The following FAM47E variants were observed in gnomAD, a reference collection of about 807,000 sequenced individuals.
FAM47E encodes family with sequence similarity 47 member E, also known as protein FAM47E.
Under a neutral mutation model 41.6 loss-of-function variants are expected in FAM47E, and 32 were observed. That is an observed-to-expected ratio of 0.77 (90% CI 0.58 to 1.03). The LOEUF is 1.03. FAM47E is among the 50% of genes least tolerant of loss of function. FAM47E has a pLI of 0.00. For missense variants in FAM47E, 424 were observed against 485.4 expected (o/e 0.87, Z 1.19); for synonymous variants, 184 against 188.7 (o/e 0.98, Z 0.20).
intron 2 of FAM47E, among the ~76,000 whole-genome samples, chr4:76,259,941 T>C (rs1453584146): frequency 2.6e-5 from 4 of 152,104 alleles, no homozygotes; most frequent in Admixed American, 1.3e-4. Flanking sequence ...GACAACCAAA[T>C]CAAGAACTCA....
At chr4:76,256,143 A>G in intron 1 of FAM47E, 35 bp from the exon 2 acceptor site, 2 of 1,534,362 alleles carry the variant, frequency 1.3e-6, no homozygotes, top group Non-Finnish European at 1.8e-6. Context: ...GGCATGTGGT[A>G]TTCTAGGTAC....
intron 2 of FAM47E, among the ~76,000 whole-genome samples, chr4:76,220,622 CTT>C (rs1733290834): frequency 6.6e-6 from 1 of 152,176 alleles, no homozygotes; most frequent in Non-Finnish European, 1.5e-5. Context: ...GATCCTGTCT[CTT>C]AAAGAAAGAA....
chr4:76,257,417 C>T (rs138764931), intron 2 of FAM47E, among the ~76,000 whole-genome samples: 30 of 152,222 alleles, frequency 2.0e-4, no homozygotes, highest in Admixed American at 8.5e-4. Context: ...ACACAGAGAG[C>T]GAGACAATGG....
At position 76,270,499 on chromosome 4, in the gene FAM47E, A is replaced by G. The variant is rs532759025; in HGVS notation, c.670-1069A>G. ...CAGAGACTCCTCAGAGGGTGATTGAAGCGGGGATGCTGGATGAAGCAGACG... is the reference window on the plus strand; with the variant it reads ...CAGAGACTCCTCAGAGGGTGATTGAGGCGGGGATGCTGGATGAAGCAGACG... On this transcript the variant is annotated intron_variant, in intron 4 of 7. Transcript: ENST00000424749. 6.6e-5 allele frequency among the ~76,000 whole-genome samples: 10 copies of G among 152,312 alleles called. No homozygotes were observed. In the South Asian group the frequency reaches 1.9e-3, roughly 28 times the overall value.
chr4:76,277,960 A>C, intron 5 of FAM47E, 109 bp from the exon 6 acceptor site: 1 of 1,304,134 alleles, frequency 7.7e-7, no homozygotes, highest in South Asian at 2.4e-5. Flanking sequence ...GCAAGGACCA[A>C]CCTAAATTCC....
upstream of FAM47E, among the ~76,000 whole-genome samples, chr4:76,250,263 A>G (rs765623407): frequency 6.6e-6 from 1 of 152,154 alleles, no homozygotes; most frequent in African/African-American, 2.4e-5. Context: ...TTGCTGGAGT[A>G]AGGTGGTATT....
rs564611720 is a variant in FAM47E at position 76,253,542 on chromosome 4, G to A, written c.74+1722G>A. ...TCCTGAACCTAACATAATGCAGAAT[G>A]GTAAGCTTATTAACTATGAGAGGCC... On this transcript the variant is annotated intron_variant, in intron 1 of 7. Transcript: ENST00000424749. Among the ~76,000 whole-genome samples the A allele has an allele frequency of 7.2e-5, 11 of 152,218 alleles. No homozygotes were observed. In the South Asian group the frequency reaches 1.9e-3, roughly 26 times the overall value.
chr4:76,272,349 A>G (rs1372149713), intron 5 of FAM47E, among the ~76,000 whole-genome samples: 1 of 152,246 alleles, frequency 6.6e-6, no homozygotes, highest in Non-Finnish European at 1.5e-5. Flanking sequence ...CTGCAAATAT[A>G]TATACACAAG....
chr4:76,268,687 AG>A lies in FAM47E; in HGVS notation c.590del (p.Gly197AlafsTer38), dbSNP rs1489012675. ...CCAAGAAGACGTCTGTGTCAAACGC[AG>A]GCCAATGGCTTTATGAAGAAAAGCC... ...PSKKTSVSNA[G>X]QWLYEEKPHK... On this transcript the variant is annotated frameshift_variant, in exon 4 of 8. Coordinates refer to ENST00000424749, the MANE Select transcript of FAM47E (RefSeq NM_001136570.3). LOFTEE classifies it high-confidence loss of function. The A allele has an allele frequency of 6.4e-7, 1 of 1,551,390 alleles. No homozygotes were observed. The highest frequency in any genetic ancestry group is 1.4e-5 in the African/African-American group (1 of 73,148).
intron 2 of FAM47E, among the ~76,000 whole-genome samples, chr4:76,240,024 G>A (rs1182772874): frequency 2.6e-5 from 4 of 152,108 alleles, no homozygotes; most frequent in African/African-American, 9.7e-5. Context: ...TGTGCTAAGA[G>A]GGTTTTTTTC....
intron 2 of FAM47E, among the ~76,000 whole-genome samples, chr4:76,224,392 G>C (rs1733360297): frequency 6.6e-6 from 1 of 152,320 alleles, no homozygotes; most frequent in Admixed American, 6.5e-5. Context: ...GAAATGGAGA[G>C]AGGAGGGGCT....
At chr4:76,227,442 C>G (rs1733417221) in intron 2 of FAM47E, among the ~76,000 whole-genome samples, 1 of 152,056 alleles carries the variant, frequency 6.6e-6, no homozygotes, top group Admixed American at 6.5e-5. Context: ...TTATTGAGAC[C>G]TGTTTTGTGG....
chr4:76,251,016 A>G (rs1378896917), upstream of FAM47E, among the ~76,000 whole-genome samples: 1 of 152,158 alleles, frequency 6.6e-6, no homozygotes, highest in Non-Finnish European at 1.5e-5. Flanking sequence ...TGCCCCCAGG[A>G]GTGCATAATT....
At chr4:76,265,803 T>C (rs1156426049) in intron 3 of FAM47E, among the ~76,000 whole-genome samples, 3 of 152,218 alleles carry the variant, frequency 2.0e-5, no homozygotes, top group Non-Finnish European at 4.4e-5. Context: ...TTAAAAACTC[T>C]TGAACACATA....
chr4:76,234,196 G>A (rs1422067893), intron 2 of FAM47E: 1 of 152,460 alleles, frequency 6.6e-6, no homozygotes, highest in Non-Finnish European at 1.5e-5. Flanking sequence ...CCATGAAAAG[G>A]CTGGGGAGCA....
At position 76,268,721 on chromosome 4, in the gene FAM47E, A is replaced by G. The variant is rs1423779170; in HGVS notation, c.622A>G (p.Met208Val). ...GCTTTATGAAGAAAAGCCACATAAA[A>G]TGGATTTGCTCCATGAAAATGGTCC... ...QWLYEEKPHK[M>V]DLLHENGPRP... The change falls in exon 4 of 8, where the codon ATG (methionine) becomes GTG (valine). Residue 208 changes from methionine to valine, a missense_variant. Transcript: ENST00000424749. 1.9e-6 allele frequency: 3 copies of G among 1,551,522 alleles called. No individual in the cohort carries two copies. Among genetic ancestry groups the G allele is most frequent in the South Asian group, 1.2e-5 (1 of 84,028 alleles).
intron 3 of FAM47E, among the ~76,000 whole-genome samples, chr4:76,265,046 A>C (rs1734574877): frequency 6.6e-6 from 1 of 152,198 alleles, no homozygotes; most frequent in Non-Finnish European, 1.5e-5. Flanking sequence ...CTTGTTGGTC[A>C]CACACATTAC....
chr4:76,263,851 T>G lies in FAM47E; in HGVS notation c.560+8T>G. 1 of 1,551,098 alleles carries G rather than the reference T, an allele frequency of 6.4e-7. No homozygotes were observed. ...CCAAGTCTACCTGGGACCGTGAGTA[T>G]TGTTCTTAACCCTTCGATCATTGCT... is the stretch of plus-strand genomic sequence containing the variant. On this transcript the variant is annotated splice_region_variant and intron_variant, in intron 3 of 7. Coordinates refer to ENST00000424749, the MANE Select transcript of FAM47E (RefSeq NM_001136570.3).
At chr4:76,226,889 A>T (rs1733407528) in intron 2 of FAM47E, among the ~76,000 whole-genome samples, 1 of 152,108 alleles carries the variant, frequency 6.6e-6, no homozygotes, top group South Asian at 2.1e-4. Context: ...TTCACTTCTA[A>T]TTGAGCTTTT....
Sources: gnomAD v4.1 joint callset for allele counts (sites outside exome capture counted in the v4.1 genomes callset) on GRCh38, gnomAD v4.1.1 for gene constraint, MANE v1.5 for transcripts, NCBI Gene and HGNC (gene_info 2026-07-23, HGNC 2026-07-21) for gene names.